RFX3: variants seen among roughly 807,000 people sequenced by gnomAD.
The protein encoded by RFX3 is transcription factor RFX3.
RFX3 carries 14 observed loss-of-function variants against 98.6 expected under a neutral mutation model. The ratio of observed to expected loss-of-function variants is 0.14; its 90% CI spans 0.09 to 0.22. The LOEUF (loss-of-function observed/expected upper bound fraction) is 0.22, where lower values mean the gene tolerates loss of function less well. Ranked by LOEUF, RFX3 falls within the 10% of genes least tolerant of loss-of-function variation. The probability of loss-of-function intolerance (pLI) is 1.00; values close to 1 mark genes in which losing one functional copy is unlikely to be tolerated. For synonymous variants in RFX3, 383 were observed against 328.4 expected, an observed-to-expected ratio of 1.17 and a Z score of -1.80; for missense variants, 639 against 926.9, an observed-to-expected ratio of 0.69 and a Z score of 4.03.
intron 13 of RFX3, 140 bp from the exon 14 acceptor site, chr9:3,257,339 T>C: frequency 1.5e-6 from 1 of 680,652 alleles, no homozygotes; most frequent in Non-Finnish European, 2.5e-6. Flanking sequence ...AATAAAAAAC[T>C]ACTTGTCAAT....
chr9:3,505,212 GAATA>G (rs1360447940), intron 1 of RFX3, among the ~76,000 whole-genome samples: 9 of 50,938 alleles, frequency 1.8e-4, no homozygotes, highest in Non-Finnish European at 2.6e-4. Flanking sequence ...ATATATATAT[GAATA>G]TATATTTATA....
At chr9:3,380,195 G>C (rs886702316) in intron 2 of RFX3, among the ~76,000 whole-genome samples, 1 of 152,062 alleles carries the variant, frequency 6.6e-6, no homozygotes, top group Non-Finnish European at 1.5e-5. Context: ...CCAAAGTGCT[G>C]GGATTACAGG....
intron 15 of RFX3, among the ~76,000 whole-genome samples, chr9:3,243,075 CATAACATTTGAATAAAAGG>C (rs1329652095): frequency 6.6e-6 from 1 of 151,738 alleles, no homozygotes; most frequent in African/African-American, 2.4e-5. Context: ...TCTAAACAGC[CATAACATTTGAATAAAAGG>C]ACATTTTTCT....
At chr9:3,434,926 G>C (rs896783330) in intron 1 of RFX3, among the ~76,000 whole-genome samples, 6 of 151,930 alleles carry the variant, frequency 3.9e-5, no homozygotes. Flanking sequence ...TTGCTCCTAG[G>C]CTACAAACCT....
chr9:3,499,555 A>C (rs1290245714), intron 1 of RFX3, among the ~76,000 whole-genome samples: 1 of 152,120 alleles, frequency 6.6e-6, no homozygotes, highest in East Asian at 1.9e-4. Context: ...GTAAATGAGA[A>C]GAAAAGCACA....
intron 1 of RFX3, among the ~76,000 whole-genome samples, chr9:3,520,986 C>G (rs567712893): frequency 1.9e-4 from 29 of 152,220 alleles, no homozygotes; most frequent in African/African-American, 6.5e-4. Context: ...CCAGAATTAT[C>G]TAGATAATGT....
chr9:3,513,000 A>C (rs1014290023), intron 1 of RFX3, among the ~76,000 whole-genome samples: 3 of 152,110 alleles, frequency 2.0e-5, no homozygotes, highest in Non-Finnish European at 4.4e-5. Flanking sequence ...AGCTGAGAAT[A>C]TGCAATTTTG....
Position 3,423,002 on chromosome 9 carries a change from C to CA in RFX3, c.-8-27407dup, listed in dbSNP as rs892523150. ...CTGACAACCTTGGGAAGATAAAAGA[C>CA]AAAAAATAAGTTATTTCCTTATTGT... On this transcript the variant is annotated intron_variant, in intron 1 of 16. Transcript: ENST00000617270. Among the ~76,000 whole-genome samples, 49 of 152,040 alleles carry CA rather than the reference C, an allele frequency of 3.2e-4. 3 individuals carry two copies. Among genetic ancestry groups the CA allele is most frequent in the Non-Finnish European group, 1.5e-5 (1 of 67,968 alleles).
At chr9:3,504,897 A>G (rs1468960152) in intron 1 of RFX3, among the ~76,000 whole-genome samples, 2 of 55,422 alleles carry the variant, frequency 3.6e-5, no homozygotes, top group South Asian at 5.5e-4. Flanking sequence ...AATATAACAT[A>G]TATTATATAT....
At chr9:3,498,691 G>A (rs930844057) in intron 1 of RFX3, among the ~76,000 whole-genome samples, 2 of 152,056 alleles carry the variant, frequency 1.3e-5, no homozygotes, top group Non-Finnish European at 2.9e-5. Flanking sequence ...ACAAACAGCA[G>A]TAGTTTTATA....
chr9:3,505,457 T>TACTTTATATTTATATA (rs1436302972), intron 1 of RFX3, among the ~76,000 whole-genome samples: 1 of 140,316 alleles, frequency 7.1e-6, no homozygotes, highest in African/African-American at 2.6e-5. Context: ...ATATAAAATA[T>TACTTTATATTTATATA]AAAATAAAAT....
chr9:3,372,901 T>G (rs979605818), intron 2 of RFX3, among the ~76,000 whole-genome samples: 1 of 152,126 alleles, frequency 6.6e-6, no homozygotes, highest in Non-Finnish European at 1.5e-5. Flanking sequence ...TCGTATCTTA[T>G]GTACTTAACA....
intron 1 of RFX3, among the ~76,000 whole-genome samples, chr9:3,468,632 A>G (rs1366194171): frequency 6.6e-6 from 1 of 152,120 alleles, no homozygotes; most frequent in Non-Finnish European, 1.5e-5. Flanking sequence ...AAATACATAC[A>G]TTATTATTTT....
chr9:3,444,933 G>A (rs868697595), intron 1 of RFX3, among the ~76,000 whole-genome samples: 1 of 152,202 alleles, frequency 6.6e-6, no homozygotes. Context: ...TGAGGGTCTA[G>A]GAGAAATTCC....
chr9:3,423,364 G>A (rs1424256907), intron 1 of RFX3, among the ~76,000 whole-genome samples: 1 of 152,072 alleles, frequency 6.6e-6, no homozygotes, highest in African/African-American at 2.4e-5. Flanking sequence ...GTTCATAATA[G>A]CTAAAACTGA....
At chr9:3,269,707 G>A (rs1253342021) in intron 11 of RFX3, among the ~76,000 whole-genome samples, 2 of 152,054 alleles carry the variant, frequency 1.3e-5, no homozygotes, top group African/African-American at 4.8e-5. Flanking sequence ...CTTCATAGTG[G>A]GATTACAATG....
chr9:3,515,198 C>T (rs1161156227), intron 1 of RFX3, among the ~76,000 whole-genome samples: 1 of 152,136 alleles, frequency 6.6e-6, no homozygotes, highest in Non-Finnish European at 1.5e-5. Context: ...ATTTTCTCAC[C>T]AGTCTTTTTA....
chr9:3,254,369 T>C (rs1387860564), intron 14 of RFX3, among the ~76,000 whole-genome samples: 1 of 152,026 alleles, frequency 6.6e-6, no homozygotes, highest in African/African-American at 2.4e-5. Flanking sequence ...CTTGCTTTTT[T>C]GGATGTAGAG....
chr9:3,273,593 G>A (rs140498488), intron 9 of RFX3, among the ~76,000 whole-genome samples: 1 of 152,130 alleles, frequency 6.6e-6, no homozygotes, highest in Non-Finnish European at 1.5e-5. Flanking sequence ...GGTGGGCACA[G>A]TGGCTCATGC....
Sources: allele counts gnomAD v4.1 joint callset (sites outside exome capture counted in the v4.1 genomes callset), GRCh38; gene constraint gnomAD v4.1.1; transcripts MANE v1.5; gene names NCBI Gene and HGNC (gene_info 2026-07-23, HGNC 2026-07-21).